The following ABR variants were observed in gnomAD, a reference collection of about 807,000 sequenced individuals.
The protein encoded by ABR is active breakpoint cluster region-related protein.
ABR carries 35 observed loss-of-function variants against 107.2 expected under a neutral mutation model. That is an observed-to-expected ratio of 0.33 (90% CI 0.25 to 0.43). The LOEUF (loss-of-function observed/expected upper bound fraction) is 0.43. Among genes scored for constraint, ABR ranks in the 20% least tolerant of loss-of-function variants. The probability of loss-of-function intolerance (pLI) is 1.00; values close to 1 mark genes in which losing one functional copy is unlikely to be tolerated. For missense variants in ABR, 815 were observed against 1,115.2 expected (o/e 0.73, Z 3.83); for synonymous variants, 498 against 462.0 (o/e 1.08, Z -1.00).
rs367881452 is a variant in ABR at position 1,047,730 on chromosome 17, A to G, written c.1791+2320T>C. On this transcript the variant is annotated intron_variant, in intron 16 of 22. Transcript: ENST00000302538. ...GACTCTGCCTTCTGCTTTGCCAAAC[A>G]TAACCTGGCTTCCTCCCTCCCCCAC... Among the ~76,000 whole-genome samples, 31 of 152,318 alleles carry G rather than the reference A, an allele frequency of 2.0e-4. No individual in the cohort carries two copies. The South Asian group carries it at 6.0e-3, about 30-fold the overall frequency.
intron 10 of ABR, among the ~76,000 whole-genome samples, chr17:1,066,818 T>G (rs990755827): frequency 1.3e-5 from 2 of 152,144 alleles, no homozygotes; most frequent in Non-Finnish European, 2.9e-5. Context: ...TGTGAGCCAC[T>G]GCGCCTGGCT....
intron 16 of ABR, among the ~76,000 whole-genome samples, chr17:1,021,148 T>TG (rs1213834775): frequency 6.6e-6 from 1 of 152,118 alleles, no homozygotes; most frequent in East Asian, 1.9e-4. Context: ...AACTGGCCAC[T>TG]GGGGGTCTCA....
rs567968207 is a variant in ABR, at chr17:1,099,011, T to A, written c.345+1626A>T. 6.6e-5 allele frequency among the ~76,000 whole-genome samples: 10 copies of A among 152,172 alleles called. 1 individual carries two copies. The highest frequency in any genetic ancestry group is 3.9e-4 in the Admixed American group (6 of 15,286). On this transcript the variant is annotated intron_variant, in intron 3 of 22. Transcript: ENST00000302538. ...CATGTTGGCCAGGCTGGTCTCGAACTCCTGACCTCAGGTGATCCACCCACC... is the reference window on the plus strand; with the variant it reads ...CATGTTGGCCAGGCTGGTCTCGAACACCTGACCTCAGGTGATCCACCCACC...
intron 18 of ABR, chr17:1,012,315 C>T (rs1388533999): frequency 9.4e-6 from 6 of 639,048 alleles, no homozygotes; most frequent in South Asian, 6.0e-5. Context: ...GTGGGTCAGG[C>T]CTGAGACAAG....
chr17:1,200,715 G>A lies in ABR; in HGVS notation c.838+28078C>T, dbSNP rs967064466. ...AAGATGGATCCCCAGGTGGAAACCC[G>A]GGCACGTCATCCCGGTTTGTTCATG... is the stretch of plus-strand genomic sequence containing the variant. On this transcript the variant is annotated intron_variant, in intron 1 of 22. Coordinates refer to the ABR transcript ENST00000574139. This position sits in a 1 kb window ranked among gnomAD's most constrained non-coding sequence, Gnocchi z 4.1. 1.3e-5 allele frequency among the ~76,000 whole-genome samples: 2 copies of A among 152,124 alleles called. No individual in the cohort carries two copies. Among genetic ancestry groups the A allele is most frequent in the African/African-American group, 2.4e-5 (1 of 41,428 alleles).
At position 1,148,696 on chromosome 17, in the gene ABR, C is replaced by A. The variant is rs573813530; in HGVS notation, c.62-23329G>T. 6.6e-6 allele frequency among the ~76,000 whole-genome samples: 1 copy of A among 152,142 alleles called. No homozygotes were observed. The highest frequency in any genetic ancestry group is 2.4e-5 in the African/African-American group (1 of 41,422). ...AAGCGCTCCCCACCCTTCCCCGGTC[C>A]GTGGAAAAAGTGTCTTCCACGAAGC... On this transcript the variant is annotated intron_variant, in intron 1 of 22. Transcript: ENST00000302538. This position sits in a 1 kb window ranked among gnomAD's most constrained non-coding sequence, Gnocchi z 4.9.
At chr17:1,108,806 G>A (rs2038439786) in intron 2 of ABR, 2 of 580,284 alleles carry the variant, frequency 3.4e-6, no homozygotes, top group South Asian at 2.6e-5. Context: ...AGCTGCCGGG[G>A]CCGGGACCCT....
At chr17:1,054,863 C>T (rs995733046) in intron 14 of ABR, among the ~76,000 whole-genome samples, 1 of 151,988 alleles carries the variant, frequency 6.6e-6, no homozygotes, top group Non-Finnish European at 1.5e-5. Flanking sequence ...CTGTGTGGGG[C>T]GCTGCAGGGA....
intron 10 of ABR, among the ~76,000 whole-genome samples, chr17:1,066,241 G>T (rs2034726669): frequency 6.6e-6 from 1 of 152,160 alleles, no homozygotes; most frequent in East Asian, 1.9e-4. Flanking sequence ...TGACTTGTAT[G>T]CTATCAACTT....
intron 16 of ABR, among the ~76,000 whole-genome samples, chr17:1,023,181 CGCCTCTGCCGGCCCCACGTCCACTCCAGA>C (rs1567594892): frequency 3.3e-5 from 5 of 149,556 alleles, no homozygotes; most frequent in African/African-American, 1.3e-4. Flanking sequence ...TCCACTCCAG[CGCCTCTGCCGGCCCCACGTCCACTCCAGA>C]GCCTCTGCCT....
chr17:1,223,789 G>A (rs1329908635), intron 1 of ABR, among the ~76,000 whole-genome samples: 2 of 152,198 alleles, frequency 1.3e-5, no homozygotes, highest in South Asian at 2.1e-4. Flanking sequence ...AAGCCTGCGG[G>A]GGAAACTTCC....
At chr17:1,183,685 G>A (rs2042204735), upstream of ABR, among the ~76,000 whole-genome samples, 1 of 152,100 alleles carries the variant, frequency 6.6e-6, no homozygotes. Context: ...CACACGACAG[G>A]AAGGCCCCAG....
intron 6 of ABR, among the ~76,000 whole-genome samples, chr17:1,077,214 G>A (rs978512397): frequency 6.6e-5 from 10 of 152,170 alleles, no homozygotes; most frequent in Non-Finnish European, 1.3e-4. Flanking sequence ...AACCACAGGA[G>A]CGTTCTTGGA....
In ABR at chr17:1,071,271, C is replaced by T. The variant is rs1238784622; in HGVS notation, c.895-1181G>A. The stretch of plus-strand genomic sequence containing the variant: ...GATCCCCAGACGCTGCACATCAGCA[C>T]CAGGAGCCGCACGGAATCGGCTCTC... On this transcript the variant is annotated intron_variant, in intron 8 of 22. Coordinates refer to ENST00000302538, the MANE Select transcript of ABR (RefSeq NM_021962.5). The surrounding 1 kb of genome is among the most constrained non-coding windows in gnomAD (Gnocchi z 5.1). Among the ~76,000 whole-genome samples, 1 of 152,188 alleles carries T rather than the reference C, an allele frequency of 6.6e-6. No individual in the cohort carries two copies. Among genetic ancestry groups the T allele is most frequent in the African/African-American group, 2.4e-5 (1 of 41,430 alleles).
chr17:1,041,094 A>G (rs1473449387), intron 16 of ABR, among the ~76,000 whole-genome samples: 1 of 151,776 alleles, frequency 6.6e-6, no homozygotes, highest in Non-Finnish European at 1.5e-5. Context: ...TGATTTTTCT[A>G]TTTTTAGTAG....
chr17:1,163,508 G>A (rs527892131), intron 1 of ABR, among the ~76,000 whole-genome samples: 287 of 150,828 alleles, frequency 1.9e-3, no homozygotes, highest in Non-Finnish European at 3.3e-3. Context: ...TAAACTGCAA[G>A]ACGCCCAGTG....
At chr17:1,206,087 G>A (rs1307866436) in intron 1 of ABR, among the ~76,000 whole-genome samples, 1 of 152,196 alleles carries the variant, frequency 6.6e-6, no homozygotes, top group Non-Finnish European at 1.5e-5. Flanking sequence ...CTGCCCTCCA[G>A]CCTGGTGACA....
intron 16 of ABR, chr17:1,031,701 G>A (rs1233945564): frequency 7.2e-6 from 9 of 1,250,426 alleles, no homozygotes; most frequent in African/African-American, 4.7e-5. Context: ...TTCGCGCCCC[G>A]CCTTCGGGCT....
At chr17:1,189,314 G>C (rs2042383001), upstream of ABR, among the ~76,000 whole-genome samples, 1 of 150,934 alleles carries the variant, frequency 6.6e-6, no homozygotes, top group East Asian at 1.9e-4. Context: ...CATGTAGCAT[G>C]TCATTCCTCT....
Sources: gnomAD v4.1 joint callset for allele counts (sites outside exome capture counted in the v4.1 genomes callset) on GRCh38, gnomAD v4.1.1 for gene constraint, Gnocchi (gnomAD v3.1) non-coding constraint, MANE v1.5 for transcripts, NCBI Gene and HGNC (gene_info 2026-07-23, HGNC 2026-07-21) for gene names.